The following RNF212B variants were observed in gnomAD, a reference collection of about 807,000 sequenced individuals.
RNF212B encodes the protein ring finger protein 212B.
In RNF212B, 52 loss-of-function variants were observed where a neutral mutation model predicts 55.5. The ratio of observed to expected loss-of-function variants is 0.94; its 90% CI spans 0.75 to 1.18. The LOEUF is 1.18. RNF212B is among the 50% of genes most tolerant of loss of function. RNF212B has a pLI of 0.00. For missense variants in RNF212B, 289 were observed against 350.4 expected, an observed-to-expected ratio of 0.82 and a Z score of 1.40; for synonymous variants, 99 against 121.4, an observed-to-expected ratio of 0.82 and a Z score of 1.21.
intron 2 of RNF212B, among the ~76,000 whole-genome samples, chr14:23,202,871 T>G (rs1278124251): frequency 1.3e-5 from 2 of 150,810 alleles, no homozygotes; most frequent in Non-Finnish European, 2.9e-5. Context: ...AAAAAAAAAT[T>G]GCTGTGAGTG....
chr14:23,208,346 A>C (rs889175336), intron 2 of RNF212B, among the ~76,000 whole-genome samples: 3 of 152,082 alleles, frequency 2.0e-5, no homozygotes, highest in African/African-American at 7.2e-5. Flanking sequence ...TAAATACATA[A>C]ATTAGTCCAG....
intron 2 of RNF212B, among the ~76,000 whole-genome samples, chr14:23,204,917 C>T (rs1879682222): frequency 6.6e-6 from 1 of 151,946 alleles, no homozygotes; most frequent in Admixed American, 6.6e-5. Flanking sequence ...TGTACTTTTC[C>T]TTGTAGAGGT....
chr14:23,212,094 C>T (rs781120485), intron 2 of RNF212B, among the ~76,000 whole-genome samples: 2 of 152,184 alleles, frequency 1.3e-5, no homozygotes, highest in Non-Finnish European at 2.9e-5. Flanking sequence ...CCAATCCTGA[C>T]TTTAAAAAAA....
intron 2 of RNF212B, among the ~76,000 whole-genome samples, chr14:23,193,716 A>C (rs926207173): frequency 3.3e-5 from 5 of 151,260 alleles, no homozygotes; most frequent in African/African-American, 1.2e-4. Flanking sequence ...GAATATGTAG[A>C]TAGTCATAAT....
Position 23,243,248 on chromosome 14 carries a change from C to G in RNF212B, c.101-8C>G. 1 of 1,547,402 alleles carries G rather than the reference C, an allele frequency of 6.5e-7. No homozygotes were observed. The highest frequency in any genetic ancestry group is 2.0e-5 in the Admixed American group (1 of 50,362). On this transcript the variant is annotated splice_region_variant and splice_polypyrimidine_tract_variant and intron_variant, in intron 2 of 14. Transcript: ENST00000430154. ...AGAGCCAAATATTTTTTTCCCTTTT[C>G]CTCCCAGAAAAATGTGCTGTTTGTG...
chr14:23,188,876 G>T (rs1877854673), intron 1 of RNF212B, among the ~76,000 whole-genome samples: 1 of 152,122 alleles, frequency 6.6e-6, no homozygotes, highest in African/African-American at 2.4e-5. Context: ...CAATAAATAT[G>T]ATTGATTGAA....
intron 2 of RNF212B, among the ~76,000 whole-genome samples, chr14:23,210,562 G>A (rs1880391932): frequency 6.6e-6 from 1 of 152,016 alleles, no homozygotes; most frequent in South Asian, 2.1e-4. Flanking sequence ...TGGATCACGA[G>A]GTCAGGAGTT....
At chr14:23,254,514 A>G (rs1884660706) in intron 4 of RNF212B, among the ~76,000 whole-genome samples, 2 of 152,110 alleles carry the variant, frequency 1.3e-5, no homozygotes, top group Admixed American at 1.3e-4. Flanking sequence ...TACAAAAATG[A>G]TAATCAAACT....
At chr14:23,260,914 G>A (rs1329423543) in intron 7 of RNF212B, among the ~76,000 whole-genome samples, 1 of 152,136 alleles carries the variant, frequency 6.6e-6, no homozygotes, top group African/African-American at 2.4e-5. Flanking sequence ...TTGTTCCCTG[G>A]TGCCATAAAG....
chr14:23,206,153 C>T lies in RNF212B; in HGVS notation c.-2+12752C>T, dbSNP rs191079325. On this transcript the variant is annotated intron_variant, in intron 2 of 15. Transcript: ENST00000399910. The stretch of plus-strand genomic sequence containing the variant: ...GCAGTGGCAGGATCTCATCTCACTG[C>T]AACCTCTGCCTCCTGGGTTCAAGCC... 8.4e-3 allele frequency among the ~76,000 whole-genome samples: 1,282 copies of T among 152,282 alleles called. 16 individuals carry two copies. The highest frequency in any genetic ancestry group is 0.029 in the African/African-American group (1,215 of 41,560).
intron 2 of RNF212B, among the ~76,000 whole-genome samples, chr14:23,217,508 G>A (rs1881203618): frequency 6.6e-6 from 1 of 152,174 alleles, no homozygotes; most frequent in South Asian, 2.1e-4. Flanking sequence ...AGTCCCAGTG[G>A]TGGTTGCCAC....
intron 4 of RNF212B, among the ~76,000 whole-genome samples, chr14:23,250,737 G>C (rs555142922): frequency 7.2e-5 from 11 of 152,144 alleles, no homozygotes; most frequent in African/African-American, 2.7e-4. Flanking sequence ...GCCCAAGGTG[G>C]TCAGAGTACA....
intron 2 of RNF212B, among the ~76,000 whole-genome samples, chr14:23,219,024 G>C (rs991327703): frequency 6.6e-6 from 1 of 152,150 alleles, no homozygotes; most frequent in Non-Finnish European, 1.5e-5. Flanking sequence ...TTACAAGCCC[G>C]GAGAGAGTGG....
intron 2 of RNF212B, among the ~76,000 whole-genome samples, chr14:23,194,031 A>AG (rs1247576763): frequency 1.3e-5 from 2 of 152,236 alleles, no homozygotes; most frequent in East Asian, 3.9e-4. Context: ...TAGTAGAGAC[A>AG]GGGTTTCACC....
At chr14:23,229,003 A>T (rs1193603010) in intron 2 of RNF212B, among the ~76,000 whole-genome samples, 1 of 151,822 alleles carries the variant, frequency 6.6e-6, no homozygotes, top group Non-Finnish European at 1.5e-5. Context: ...CTCTTCACCC[A>T]TTAAGCAATT....
At chr14:23,222,468 A>G (rs1881654928) in intron 2 of RNF212B, among the ~76,000 whole-genome samples, 1 of 152,170 alleles carries the variant, frequency 6.6e-6, no homozygotes. Flanking sequence ...AAAAATAACA[A>G]GTAACAAGAT....
At chr14:23,250,559 C>T (rs1039904273) in intron 4 of RNF212B, among the ~76,000 whole-genome samples, 3 of 151,566 alleles carry the variant, frequency 2.0e-5, no homozygotes, top group South Asian at 2.1e-4. Flanking sequence ...TTGTGTTCTG[C>T]GTATAACCTA....
chr14:23,200,072 T>C lies in RNF212B; in HGVS notation c.-2+6671T>C, dbSNP rs371144444. Among the ~76,000 whole-genome samples the C allele has an allele frequency of 1.1e-4, 17 of 152,248 alleles. No homozygotes were observed. The East Asian group carries it at 2.3e-3, about 21-fold the overall frequency. On this transcript the variant is annotated intron_variant, in intron 2 of 15. Coordinates refer to the RNF212B transcript ENST00000399910. ...TCTAACAACGAGTGTACTATCGTCT[T>C]GAAACATTTTTTTCTCTCTCTCTCT...
At chr14:23,187,178 G>A (rs950319122) in intron 1 of RNF212B, among the ~76,000 whole-genome samples, 2 of 152,124 alleles carry the variant, frequency 1.3e-5, no homozygotes, top group Non-Finnish European at 2.9e-5. Context: ...CTTTAACTAG[G>A]GAAAATTATG....
Sources: gnomAD v4.1 joint callset for allele counts (sites outside exome capture counted in the v4.1 genomes callset) on GRCh38, gnomAD v4.1.1 for gene constraint, MANE v1.5 for transcripts, NCBI Gene and HGNC (gene_info 2026-07-23, HGNC 2026-07-21) for gene names.